CTU2: variants seen among roughly 807,000 people sequenced by gnomAD.
The protein encoded by CTU2 is cytoplasmic tRNA 2-thiolation protein 2.
Under a neutral mutation model 64.1 loss-of-function variants are expected in CTU2, and 80 were observed. That is an observed-to-expected ratio of 1.25 (90% CI 1.04 to 1.50). The LOEUF (loss-of-function observed/expected upper bound fraction) is 1.50, where lower values mean the gene tolerates loss of function less well. Among genes scored for constraint, CTU2 ranks in the 40% most tolerant of loss-of-function variants. The pLI is 0.00. For missense variants in CTU2, 1,110 were observed against 690.2 expected, an observed-to-expected ratio of 1.61 and a Z score of -6.81; for synonymous variants, 482 against 285.3, an observed-to-expected ratio of 1.69 and a Z score of -6.95.
chr16:88,708,394 C>T (rs1911072482), intron 2 of CTU2, among the ~76,000 whole-genome samples: 1 of 152,176 alleles, frequency 6.6e-6, no homozygotes, highest in African/African-American at 2.4e-5. Context: ...AGCGTGGTTT[C>T]AGGAGCCCAG....
intron 4 of CTU2, 29 bp downstream of exon 4, chr16:88,710,311 GC>G (rs1371112681): frequency 6.2e-7 from 1 of 1,612,426 alleles, no homozygotes; most frequent in African/African-American, 1.3e-5. Flanking sequence ...GTGGGCCCGG[GC>G]TGCTGGGCTG....
intron 8 of CTU2, 45 bp downstream of exon 8, chr16:88,713,492 C>A: frequency 6.4e-7 from 1 of 1,553,678 alleles, no homozygotes; most frequent in Non-Finnish European, 8.7e-7. Context: ...CTCACCTTCA[C>A]CCCTTCGGCC....
chr16:88,713,763 A>T lies in CTU2; in HGVS notation c.990A>T (p.Pro330=), dbSNP rs1278548881. The T allele has an allele frequency of 3.7e-6, 6 of 1,612,502 alleles. No homozygotes were observed. The African/African-American group carries it at 8.0e-5, about 22-fold the overall frequency. The change falls in exon 9 of 15, where the codon CCA becomes CCT. Residue 330 remains proline, a synonymous_variant. Coordinates refer to ENST00000453996, the MANE Select transcript of CTU2 (RefSeq NM_001012759.3). ...TCTCCGTTCCTTCTGTCTTCACACC[A>T]GCCGTCGACACCAAGGTGGGCCTTG... ...RLFSVPSVFT[P]AVDTKAPEKA... is the part of the protein sequence containing the mutation.
At chr16:88,707,306 A>G in intron 2 of CTU2, 96 bp downstream of exon 2, 1 of 1,146,160 alleles carries the variant, frequency 8.7e-7, no homozygotes, top group Admixed American at 1.8e-5. Flanking sequence ...CTTTTTAAAA[A>G]CATGTACTTA....
At chr16:88,707,259 A>G (rs1275420606) in intron 2 of CTU2, 49 bp downstream of exon 2, 3 of 1,533,192 alleles carry the variant, frequency 2.0e-6, no homozygotes, top group Non-Finnish European at 2.7e-6. Context: ...CCTCGCTAGC[A>G]GACAGGATAG....
intron 4 of CTU2, chr16:88,710,618 C>A (rs1318046355): frequency 6.4e-6 from 2 of 314,718 alleles, no homozygotes; most frequent in Non-Finnish European, 1.2e-5. Flanking sequence ...GTGCGGCCCA[C>A]TCTCAGATGT....
At position 88,712,315 on chromosome 16, in the gene CTU2, A is replaced by T. The variant is rs1163970606; in HGVS notation, c.385A>T (p.Thr129Ser). 1.9e-6 allele frequency: 3 copies of T among 1,609,510 alleles called. No individual in the cohort carries two copies. The highest frequency in any genetic ancestry group is 1.7e-5 in the Admixed American group (1 of 59,540). Residue 129 changes from threonine to serine, a missense_variant, in exon 6 of 15, where the codon ACC becomes TCC. Thr to Ser is a moderately conservative substitution (Grantham distance 58). Transcript: ENST00000453996. Reference protein sequence around the residue: ...CGQSLEERSKTLAEVKPILQA... With the variant: ...CGQSLEERSKSLAEVKPILQA... ...CCAGAGCCTAGAGGAGAGATCAAAGACCCTGGCCGAAGTGAAGCCCATTCT... is the reference window on the plus strand; with the variant it reads ...CCAGAGCCTAGAGGAGAGATCAAAGTCCCTGGCCGAAGTGAAGCCCATTCT...
rs1440546797 is a variant in CTU2, at chr16:88,712,906, G to A, written c.737+1G>A. On this transcript the variant is annotated splice_donor_variant, in intron 7 of 14. Coordinates refer to ENST00000453996, the MANE Select transcript of CTU2 (RefSeq NM_001012759.3). LOFTEE classifies it high-confidence loss of function. ...AGGAGGAGCTTCTGCAGACCCTGCG[G>A]TGAGGCCCCGAGAGCCCCCCTTCCC... The A allele has an allele frequency of 6.7e-7, 1 of 1,487,044 alleles. No homozygotes were observed. Among genetic ancestry groups the A allele is most frequent in the Non-Finnish European group, 8.9e-7 (1 of 1,123,376 alleles). 92.1% of individuals were successfully genotyped at this position (1,487,044 alleles called of 1,614,324 possible). A position where few individuals can be genotyped will look rare whatever the true frequency, so the allele number is the denominator to read the frequency against.
chr16:88,710,668 T>C (rs1283828499), intron 4 of CTU2: 2 of 224,460 alleles, frequency 8.9e-6, no homozygotes, highest in Non-Finnish European at 8.9e-6. Flanking sequence ...GGGTCCAGAG[T>C]GCGTGTGTGC....
chr16:88,714,208 A>C lies in CTU2; in HGVS notation c.1078A>C (p.Thr360Pro). 1.9e-6 allele frequency: 3 copies of C among 1,604,404 alleles called. No individual in the cohort carries two copies. Among genetic ancestry groups the C allele is most frequent in the Non-Finnish European group, 2.5e-6 (3 of 1,177,826 alleles). The change falls in exon 10 of 15, where the codon ACT (threonine) becomes CCT (proline). Residue 360 changes from threonine (T) to proline (P), a missense_variant. Transcript: ENST00000453996. Reference protein sequence around the residue: ...ILRLQTQFPSTVSTVYRTSEK... With the variant: ...ILRLQTQFPSPVSTVYRTSEK... ...CAGGCTGCAGACCCAGTTCCCCTCC[A>C]CTGTCAGCACTGTGTACAGGTGTGG...
intron 1 of CTU2, 22 bp downstream of exon 1, chr16:88,706,620 C>T: frequency 2.9e-6 from 4 of 1,381,678 alleles, no homozygotes; most frequent in South Asian, 1.6e-5. Flanking sequence ...CGGCCGGACC[C>T]GCCAGGCCGC....
At chr16:88,714,821 G>A (rs377029621) in intron 12 of CTU2, 39 bp from the exon 13 acceptor site, 1 of 1,611,302 alleles carries the variant, frequency 6.2e-7, no homozygotes, top group African/African-American at 1.3e-5. Flanking sequence ...ACGGCATTGA[G>A]GTGCCAAGGT....
chr16:88,706,643 C>A, intron 1 of CTU2, 45 bp downstream of exon 1: 1 of 1,313,424 alleles, frequency 7.6e-7, no homozygotes, highest in South Asian at 1.7e-5. Flanking sequence ...CTCGCCTTCC[C>A]GCCGCACTCC....
At chr16:88,707,317 C>T (rs753409492) in intron 2 of CTU2, 107 bp downstream of exon 2, 50 of 1,044,484 alleles carry the variant, frequency 4.8e-5, no homozygotes, top group Non-Finnish European at 6.9e-5. Flanking sequence ...CATGTACTTA[C>T]TTTATTCCTG....
rs1010746103 is a variant in CTU2, at chr16:88,710,089, C to A, written c.222+73C>A. Reference sequence around the variant, plus strand: ...GGTCCCTGCTTGTCCCTCCCACAGGCAGCCTGGCCTGCTGCAGCCCGCCAG... The same window carrying A: ...GGTCCCTGCTTGTCCCTCCCACAGGAAGCCTGGCCTGCTGCAGCCCGCCAG... On this transcript the variant is annotated intron_variant, in intron 3 of 14. Coordinates refer to ENST00000453996, the MANE Select transcript of CTU2 (RefSeq NM_001012759.3). 6 of 1,581,516 alleles carry A rather than the reference C, an allele frequency of 3.8e-6. No homozygotes were observed. In the African/African-American group the frequency reaches 4.0e-5, roughly 11 times the overall value.
chr16:88,714,288 G>C, intron 10 of CTU2, 61 bp downstream of exon 10: 2 of 1,531,090 alleles, frequency 1.3e-6, no homozygotes, highest in African/African-American at 1.3e-5. Flanking sequence ...GCGGGTGTGT[G>C]CGGGTGGTGA....
At chr16:88,710,169 G>A in intron 3 of CTU2, 54 bp from the exon 4 acceptor site, 4 of 1,603,280 alleles carry the variant, frequency 2.5e-6, no homozygotes, top group Non-Finnish European at 3.4e-6. Flanking sequence ...ACGAGGTGGG[G>A]TGTCTGCCTG....
chr16:88,712,124 A>G (rs898269912), intron 5 of CTU2, 150 bp from the exon 6 acceptor site: 2 of 749,218 alleles, frequency 2.7e-6, no homozygotes, highest in Non-Finnish European at 4.7e-6. Flanking sequence ...CCCCTGCCCA[A>G]AGGAAAATGG....
In CTU2 at chr16:88,712,314, G is replaced by A; in HGVS notation, c.384G>A (p.Lys128=). 3 of 1,609,654 alleles carry A rather than the reference G, an allele frequency of 1.9e-6. No individual in the cohort carries two copies. The highest frequency in any genetic ancestry group is 2.5e-6 in the Non-Finnish European group (3 of 1,178,040). Reference sequence around the variant, plus strand: ...GCCAGAGCCTAGAGGAGAGATCAAAGACCCTGGCCGAAGTGAAGCCCATTC... The same window carrying A: ...GCCAGAGCCTAGAGGAGAGATCAAAAACCCTGGCCGAAGTGAAGCCCATTC... ...ACGQSLEERS[K]TLAEVKPILQ... Residue 128 remains lysine, a synonymous_variant, in exon 6 of 15, where the codon AAG becomes AAA. Coordinates refer to ENST00000453996, the MANE Select transcript of CTU2 (RefSeq NM_001012759.3).
Sources: allele counts gnomAD v4.1 joint callset (sites outside exome capture counted in the v4.1 genomes callset), GRCh38; gene constraint gnomAD v4.1.1; transcripts MANE v1.5; gene names NCBI Gene and HGNC (gene_info 2026-07-23, HGNC 2026-07-21).